Variants in CRYAB observed in about 807,000 individuals in gnomAD.
CRYAB encodes the protein crystallin alpha B, also known as alpha-crystallin B chain.
In CRYAB, 9 loss-of-function variants were observed where a neutral mutation model predicts 12.7. The observed-to-expected ratio is 0.71, with a 90% confidence interval of 0.43 to 1.24. The LOEUF is 1.24. CRYAB is among the 50% of genes most tolerant of loss of function. The pLI is 0.00. For missense variants in CRYAB, 183 were observed against 226.6 expected, an observed-to-expected ratio of 0.81 and a Z score of 1.24; for synonymous variants, 93 against 86.8, an observed-to-expected ratio of 1.07 and a Z score of -0.40.
upstream of CRYAB, chr11:111,913,130 T>G: frequency 1.6e-6 from 1 of 612,474 alleles, no homozygotes; most frequent in Non-Finnish European, 3.0e-6. Context: ...GTGCTTGCAG[T>G]GCTGATACCT....
In CRYAB at chr11:111,909,137, A is replaced by G. The variant is rs41302377; in HGVS notation, c.325-170T>C. On this transcript the variant is annotated intron_variant, in intron 2 of 2. Transcript: ENST00000650687. ...GGTTGCAGCTAAGATGAAATTGCCT[A>G]GGTAGTCACTCCTACCAGTGAGAAT... 0.022 allele frequency: 15,647 copies of G among 711,794 alleles called. 239 individuals carry two copies. Among genetic ancestry groups the G allele is most frequent in the Middle Eastern group, 0.037 (159 of 4,338 alleles). The allele number at this position is 711,794 out of a possible 1,614,324, so 44.1% of individuals were successfully genotyped here.
intron 1 of CRYAB, among the ~76,000 whole-genome samples, chr11:111,921,208 C>T (rs117225795): frequency 2.5e-3 from 387 of 152,320 alleles, no homozygotes; most frequent in Non-Finnish European, 4.6e-3. Context: ...GATTCAAGTC[C>T]TGCCCTACTA....
upstream of CRYAB, chr11:111,912,535 C>A (rs1280722643): frequency 8.0e-6 from 4 of 497,736 alleles, no homozygotes; most frequent in Non-Finnish European, 1.5e-5. Context: ...AGCTCCCCCT[C>A]CCCAGCTCGT....
intron 2 of CRYAB, chr11:111,909,902 T>C: frequency 2.0e-6 from 1 of 510,576 alleles, no homozygotes; most frequent in South Asian, 2.5e-5. Context: ...TAGAATTACC[T>C]TAAAAATTGC....
upstream of CRYAB, chr11:111,912,780 C>T: frequency 1.4e-6 from 2 of 1,455,300 alleles, no homozygotes; most frequent in South Asian, 1.2e-5. Context: ...GGTCGCGCTG[C>T]GCCTGTTGGG....
chr11:111,919,123 C>G, intron 1 of CRYAB: 1 of 1,087,488 alleles, frequency 9.2e-7, no homozygotes, highest in Non-Finnish European at 1.4e-6. Context: ...CCTTCCTCTG[C>G]CTGGTACCTC....
chr11:111,914,592 C>T (rs1389153425), upstream of CRYAB, among the ~76,000 whole-genome samples: 1 of 152,190 alleles, frequency 6.6e-6, no homozygotes, highest in Non-Finnish European at 1.5e-5. Context: ...TATCACGGAA[C>T]CCCATTACCT....
intron 1 of CRYAB, among the ~76,000 whole-genome samples, chr11:111,920,567 C>A (rs1555166475): frequency 6.6e-6 from 1 of 151,736 alleles, no homozygotes; most frequent in Non-Finnish European, 1.5e-5. Flanking sequence ...AGTTTGAGAC[C>A]AGCCTGGGCA....
chr11:111,922,819 T>C (rs1422715002), intron 1 of CRYAB, among the ~76,000 whole-genome samples: 2 of 152,258 alleles, frequency 1.3e-5, no homozygotes, highest in African/African-American at 2.4e-5. Flanking sequence ...TCAGAGGGTA[T>C]ACACATTTAT....
At chr11:111,922,428 A>G (rs1555166618) in intron 1 of CRYAB, among the ~76,000 whole-genome samples, 2 of 152,224 alleles carry the variant, frequency 1.3e-5, no homozygotes, top group Non-Finnish European at 2.9e-5. Context: ...CTGATTACAA[A>G]GGTAATAATC....
chr11:111,914,979 G>T (rs1350044835), upstream of CRYAB, among the ~76,000 whole-genome samples: 27 of 152,204 alleles, frequency 1.8e-4, no homozygotes, highest in African/African-American at 6.5e-4. Flanking sequence ...GGAGGCTGAG[G>T]TGGGAGGATG....
chr11:111,918,968 G>A, intron 1 of CRYAB: 1 of 1,614,206 alleles, frequency 6.2e-7, no homozygotes, highest in Non-Finnish European at 8.5e-7. Context: ...TGGAGACAGA[G>A]CGCCATGGGA....
chr11:111,919,547 C>T (rs1241317288), intron 1 of CRYAB, among the ~76,000 whole-genome samples: 1 of 152,154 alleles, frequency 6.6e-6, no homozygotes, highest in Non-Finnish European at 1.5e-5. Flanking sequence ...GAATATTGAA[C>T]CGGCATTGTT....
upstream of CRYAB, among the ~76,000 whole-genome samples, chr11:111,917,748 A>AG (rs782276947): frequency 1.3e-5 from 2 of 150,736 alleles, no homozygotes; most frequent in Non-Finnish European, 3.0e-5. Flanking sequence ...CGAGAGGCTG[A>AG]GGGGGGAGAA....
upstream of CRYAB, chr11:111,913,490 T>A (rs1335025061): frequency 1.9e-6 from 3 of 1,613,188 alleles, no homozygotes; most frequent in African/African-American, 4.0e-5. Flanking sequence ...ATGGCTACTA[T>A]GTCCGGCCTC....
At chr11:111,918,944 CA>C (rs1965640847) in intron 1 of CRYAB, 1 of 1,613,990 alleles carries the variant, frequency 6.2e-7, no homozygotes, top group African/African-American at 1.3e-5. Context: ...TGCATAAAAA[CA>C]GCTGGGCTCC....
chr11:111,919,114 C>A, intron 1 of CRYAB: 1 of 1,186,500 alleles, frequency 8.4e-7, no homozygotes, highest in Non-Finnish European at 1.2e-6. Context: ...CCACTGCCAC[C>A]TTCCTCTGCC....
chr11:111,915,629 T>G (rs1156897101), upstream of CRYAB, among the ~76,000 whole-genome samples: 1 of 152,252 alleles, frequency 6.6e-6, no homozygotes, highest in Non-Finnish European at 1.5e-5. Flanking sequence ...TGAAAACTTC[T>G]GATTTAGTCC....
At position 111,908,829 on chromosome 11, in the gene CRYAB, G is replaced by A; in HGVS notation, c.463C>T (p.Pro155Ser). ...CGGGTGATGGGAATGGTGCGCTCAG[G>A]GCCAGAGACCTGTTTCCTTGGTCCA... ...VNGPRKQVSG[P>S]ERTIPITREE... Residue 155 changes from proline to serine, a missense_variant, in exon 3 of 3, where the codon CCT (proline) becomes TCT (serine). This residue lies in a region of CRYAB where 95 missense variants were observed against 112.5 expected (regional missense o/e 0.84). Coordinates refer to ENST00000650687, the MANE Select transcript of CRYAB (RefSeq NM_001289808.2). The A allele has an allele frequency of 1.9e-6, 3 of 1,613,774 alleles. No individual in the cohort carries two copies. Among genetic ancestry groups the A allele is most frequent in the East Asian group, 2.2e-5 (1 of 44,874 alleles).
Sources: gnomAD v4.1 joint callset for allele counts (sites outside exome capture counted in the v4.1 genomes callset) on GRCh38, gnomAD v4.1.1 for gene constraint, gnomAD v4.1.1 regional missense constraint, MANE v1.5 for transcripts, NCBI Gene and HGNC (gene_info 2026-07-23, HGNC 2026-07-21) for gene names.